Variants in PCBP3 observed in about 807,000 individuals in gnomAD.
The protein encoded by PCBP3 is poly(rC)-binding protein 3.
A neutral mutation model predicts 52.7 loss-of-function variants in PCBP3; 25 were observed. That is an observed-to-expected ratio of 0.47 (90% CI 0.35 to 0.66). PCBP3 has a LOEUF of 0.66. PCBP3 is among the 30% of genes least tolerant of loss of function. The probability of loss-of-function intolerance (pLI) is 0.01; values close to 1 mark genes in which losing one functional copy is unlikely to be tolerated. For synonymous variants in PCBP3, 162 were observed against 183.0 expected, an observed-to-expected ratio of 0.89 and a Z score of 0.93; for missense variants, 391 against 490.3, an observed-to-expected ratio of 0.80 and a Z score of 1.91.
chr21:45,690,680 A>G (rs1026342298), intron 2 of PCBP3, among the ~76,000 whole-genome samples: 4 of 152,208 alleles, frequency 2.6e-5, no homozygotes, highest in Non-Finnish European at 5.9e-5. Context: ...ATCACAGAAG[A>G]CATACAAATG....
intron 2 of PCBP3, among the ~76,000 whole-genome samples, chr21:45,683,338 C>T (rs1369316485): frequency 6.6e-6 from 1 of 152,142 alleles, no homozygotes; most frequent in African/African-American, 2.4e-5. Flanking sequence ...TTAGGTGAGT[C>T]ACTAAGTTCA....
At chr21:45,679,162 A>C (rs1158412840) in intron 2 of PCBP3, among the ~76,000 whole-genome samples, 1 of 148,060 alleles carries the variant, frequency 6.8e-6, no homozygotes, top group Non-Finnish European at 1.5e-5. Flanking sequence ...TCTGTTGCCC[A>C]GGCTGGAGTG....
chr21:45,677,300 A>G, intron 2 of PCBP3, among the ~76,000 whole-genome samples: 1 of 152,208 alleles, frequency 6.6e-6, no homozygotes, highest in East Asian at 1.9e-4. Context: ...AGAAGGTGCA[A>G]CTAACCACAA....
chr21:45,769,119 T>A (rs2145750434), intron 4 of PCBP3, among the ~76,000 whole-genome samples: 1 of 152,282 alleles, frequency 6.6e-6, no homozygotes, highest in East Asian at 1.9e-4. Context: ...CCCTCTTTCA[T>A]TTGTTTCTCC....
At chr21:45,703,138 G>A (rs2083233095) in intron 2 of PCBP3, among the ~76,000 whole-genome samples, 1 of 152,100 alleles carries the variant, frequency 6.6e-6, no homozygotes. Flanking sequence ...CTTCAATAAA[G>A]GATGGAACCC....
intron 2 of PCBP3, among the ~76,000 whole-genome samples, chr21:45,702,617 G>A (rs946163991): frequency 1.5e-4 from 23 of 152,192 alleles, no homozygotes; most frequent in African/African-American, 5.5e-4. Flanking sequence ...AATCATCTGA[G>A]CCTTCAGTGA....
intron 4 of PCBP3, among the ~76,000 whole-genome samples, chr21:45,793,081 C>T (rs1047783964): frequency 1.3e-5 from 2 of 152,188 alleles, no homozygotes; most frequent in Admixed American, 6.5e-5. Flanking sequence ...AACCACAGCA[C>T]GCTGGAGGGA....
intron 15 of PCBP3, among the ~76,000 whole-genome samples, chr21:45,933,527 G>A (rs1382622761): frequency 6.6e-6 from 1 of 152,196 alleles, no homozygotes; most frequent in East Asian, 1.9e-4. Context: ...GACTCAGGCA[G>A]GACCAAGGAA....
intron 3 of PCBP3, chr21:45,751,394 A>G (rs1484177264): frequency 6.6e-6 from 1 of 152,168 alleles, no homozygotes; most frequent in Non-Finnish European, 1.5e-5. Context: ...ATTCAGTGGC[A>G]TTTATTACAT....
rs965943138 is a variant in PCBP3 at position 45,853,896 on chromosome 21, T to A, written c.10+3801T>A. On this transcript the variant is annotated intron_variant, in intron 5 of 17. Transcript: ENST00000681687. This position sits in a 1 kb window ranked among gnomAD's most constrained non-coding sequence, Gnocchi z 4.6. ...GCCGGTGAGAATAAAAAGGAGCCGA[T>A]GGTACGGGGCAGGAGCCGCTCCCAG... 6.6e-6 allele frequency: 1 copy of A among 152,126 alleles called. No individual in the cohort carries two copies. The highest frequency in any genetic ancestry group is 2.4e-5 in the African/African-American group (1 of 41,392). 9.4% of individuals were successfully genotyped at this position (152,126 alleles called of 1,614,324 possible). A position where few individuals can be genotyped will look rare whatever the true frequency, so the allele number is the denominator to read the frequency against.
intron 5 of PCBP3, chr21:45,871,542 C>T (rs1344869935): frequency 6.6e-6 from 1 of 152,572 alleles, no homozygotes; most frequent in African/African-American, 2.4e-5. Flanking sequence ...TTCTGCTTCA[C>T]TCTTGCAGCC....
chr21:45,920,372 T>C (rs1279069553), intron 13 of PCBP3, among the ~76,000 whole-genome samples: 1 of 152,210 alleles, frequency 6.6e-6, no homozygotes, highest in Non-Finnish European at 1.5e-5. Context: ...TGGCTTTTAC[T>C]TCGATTGGTG....
chr21:45,733,119 A>G (rs2085583346), intron 2 of PCBP3, among the ~76,000 whole-genome samples: 1 of 152,096 alleles, frequency 6.6e-6, no homozygotes. Context: ...GTGGTCTAAT[A>G]TGGTGTTAAT....
At position 45,779,032 on chromosome 21, in the gene PCBP3, G is replaced by C. The variant is rs148163068; in HGVS notation, c.-126+23580G>C. ...GGTGGCAGTAGGCTGTGCCTCACTT[G>C]GTTCTTATCCTCAGCTGTGGGAGCA... On this transcript the variant is annotated intron_variant, in intron 4 of 17. Coordinates refer to ENST00000681687, the MANE Select transcript of PCBP3 (RefSeq NM_001384156.1). Among the ~76,000 whole-genome samples the C allele has an allele frequency of 2.4e-3, 367 of 152,350 alleles. 2 individuals are homozygous for C. Among genetic ancestry groups the C allele is most frequent in the African/African-American group, 8.5e-3 (354 of 41,568 alleles).
In PCBP3 at chr21:45,853,721, T is replaced by G. The variant is rs762985585; in HGVS notation, c.10+3626T>G. ...AAAAAGCTAAGAAACATGAGTGGTG[T>G]TAAACCATTCTGCCTGTGTGAGTAC... On this transcript the variant is annotated intron_variant, in intron 5 of 17. Coordinates refer to ENST00000681687, the MANE Select transcript of PCBP3 (RefSeq NM_001384156.1). The surrounding 1 kb of genome is among the most constrained non-coding windows in gnomAD (Gnocchi z 4.6). 3.9e-5 allele frequency among the ~76,000 whole-genome samples: 6 copies of G among 152,218 alleles called. No homozygotes were observed. Among genetic ancestry groups the G allele is most frequent in the Non-Finnish European group, 7.3e-5 (5 of 68,030 alleles).
intron 1 of PCBP3, among the ~76,000 whole-genome samples, chr21:45,664,371 CTG>C (rs2080633971): frequency 6.7e-6 from 1 of 148,498 alleles, no homozygotes; most frequent in Non-Finnish European, 1.5e-5. Context: ...TCCTTCAAAA[CTG>C]AAGGTGAAAT....
At position 45,909,189 on chromosome 21, in the gene PCBP3, C is replaced by T. The variant is rs112116908; in HGVS notation, c.340-166C>T. On this transcript the variant is annotated intron_variant, in intron 9 of 17. Coordinates refer to ENST00000681687, the MANE Select transcript of PCBP3 (RefSeq NM_001384156.1). ...CCAGCCTGCCCATCCATTTCAGCGACGTCTCCTGGTCCTCCCTGGCCTGGC... is the reference window on the plus strand; with the variant it reads ...CCAGCCTGCCCATCCATTTCAGCGATGTCTCCTGGTCCTCCCTGGCCTGGC... 2.0e-3 allele frequency among the ~76,000 whole-genome samples: 306 copies of T among 152,176 alleles called. 3 individuals carry two copies. Among genetic ancestry groups the T allele is most frequent in the African/African-American group, 6.8e-3 (282 of 41,506 alleles).
chr21:45,881,512 T>A (rs1421411193), intron 5 of PCBP3, among the ~76,000 whole-genome samples: 1 of 152,172 alleles, frequency 6.6e-6, no homozygotes, highest in Non-Finnish European at 1.5e-5. Context: ...GGTCTTGAAC[T>A]CCTAGACTCC....
intron 2 of PCBP3, among the ~76,000 whole-genome samples, chr21:45,700,945 A>G (rs913747066): frequency 6.6e-6 from 1 of 152,182 alleles, no homozygotes; most frequent in Non-Finnish European, 1.5e-5. Context: ...GCGAAAAATC[A>G]TCTGCAGTAT....
Sources: gnomAD v4.1 joint callset for allele counts (sites outside exome capture counted in the v4.1 genomes callset) on GRCh38, gnomAD v4.1.1 for gene constraint, Gnocchi (gnomAD v3.1) non-coding constraint, MANE v1.5 for transcripts, NCBI Gene and HGNC (gene_info 2026-07-23, HGNC 2026-07-21) for gene names.